Variants in CNTLN observed in about 807,000 individuals in gnomAD.
CNTLN encodes the protein centlein, centrosomal protein.
Under a neutral mutation model 180.0 loss-of-function variants are expected in CNTLN, and 212 were observed. The ratio of observed to expected loss-of-function variants is 1.18; its 90% CI spans 1.05 to 1.32. The LOEUF is 1.32. CNTLN is among the 40% of genes most tolerant of loss of function. The pLI is 0.00. For synonymous variants in CNTLN, 722 were observed against 563.1 expected (o/e 1.28, Z -3.99); for missense variants, 2,095 against 1,610.9 (o/e 1.30, Z -5.14).
At chr9:17,136,462 T>C (rs1355866745) in intron 1 of CNTLN, among the ~76,000 whole-genome samples, 2 of 152,206 alleles carry the variant, frequency 1.3e-5, no homozygotes, top group Non-Finnish European at 1.5e-5. Flanking sequence ...CCCGAATAGC[T>C]GGGACTACAG....
intron 3 of CNTLN, among the ~76,000 whole-genome samples, chr9:17,233,077 G>A (rs1438078467): frequency 6.6e-6 from 1 of 151,984 alleles, no homozygotes. Context: ...TTGGTATGGA[G>A]GTAGAATAAT....
intron 1 of CNTLN, among the ~76,000 whole-genome samples, chr9:17,136,721 G>A (rs1320646693): frequency 6.6e-6 from 1 of 152,150 alleles, no homozygotes; most frequent in Non-Finnish European, 1.5e-5. Context: ...TGTGCCTTTG[G>A]TTAAACAAGG....
rs1442527 is a variant in CNTLN at position 17,342,385 on chromosome 9, C to T, written c.1827C>T (p.Asp609=). ...AACAACTTCGACAAGAAGATTCTGA[C>T]GCTGTGTGGAATGAACTGGCATATT... The part of the protein sequence containing the change: ...DPQQLRQEDS[D]AVWNELAYFK... Residue 609 remains aspartate (D), a synonymous_variant, in exon 12 of 26, where the codon GAC becomes GAT. Coordinates refer to ENST00000380647, the MANE Select transcript of CNTLN (RefSeq NM_017738.4). The T allele has an allele frequency of 0.99, 1,598,610 of 1,612,084 alleles. 793,498 individuals carry two copies. The highest frequency in any genetic ancestry group is 1 in the East Asian group (44,756 of 44,756).
downstream of CNTLN, among the ~76,000 whole-genome samples, chr9:17,507,767 C>T (rs1833958158): frequency 1.3e-5 from 2 of 152,088 alleles, no homozygotes; most frequent in African/African-American, 2.4e-5. Context: ...TTTTTCTGCT[C>T]ACCAAGGAAT....
chr9:17,356,490 A>G (rs1448677158), intron 12 of CNTLN, among the ~76,000 whole-genome samples: 2 of 152,172 alleles, frequency 1.3e-5, no homozygotes, highest in Non-Finnish European at 2.9e-5. Context: ...TGACTTATAG[A>G]TAGGCTTTGA....
intron 12 of CNTLN, among the ~76,000 whole-genome samples, chr9:17,352,416 A>ATATATATATATATATATATATTT (rs1469636947): frequency 3.2e-5 from 1 of 31,294 alleles, no homozygotes; most frequent in African/African-American, 1.2e-4. Context: ...ATATATATAT[A>ATATATATATATATATATATATTT]TTTTTTTTTT....
chr9:17,519,286 C>T, the CNTLN span, among the ~76,000 whole-genome samples: 2 of 150,942 alleles, frequency 1.3e-5, no homozygotes, highest in Admixed American at 6.6e-5. Flanking sequence ...ATCCCTTCCT[C>T]ACAAACACAG....
chr9:17,296,796 C>T (rs1275237870), intron 6 of CNTLN, among the ~76,000 whole-genome samples: 1 of 152,018 alleles, frequency 6.6e-6, no homozygotes, highest in Non-Finnish European at 1.5e-5. Context: ...TTGTGTATAT[C>T]CATGTATCTG....
chr9:17,517,180 G>A, the CNTLN span, among the ~76,000 whole-genome samples: 1 of 152,136 alleles, frequency 6.6e-6, no homozygotes, highest in East Asian at 1.9e-4. Context: ...TCACAGGTCA[G>A]GAGATGGAGA....
At chr9:17,170,786 A>G (rs543935965) in intron 2 of CNTLN, among the ~76,000 whole-genome samples, 16 of 152,066 alleles carry the variant, frequency 1.1e-4, no homozygotes, top group African/African-American at 3.6e-4. Flanking sequence ...TTTCCTCATT[A>G]CAATGTTTTG....
At chr9:17,278,838 T>C (rs962242563) in intron 6 of CNTLN, among the ~76,000 whole-genome samples, 3 of 152,164 alleles carry the variant, frequency 2.0e-5, no homozygotes, top group South Asian at 2.1e-4. Context: ...TTGTTCTACA[T>C]TTTTCTCAGT....
chr9:17,440,369 C>G (rs1461608430), intron 18 of CNTLN, among the ~76,000 whole-genome samples: 1 of 146,562 alleles, frequency 6.8e-6, no homozygotes, highest in African/African-American at 2.5e-5. Context: ...GTCAGGAGAT[C>G]GAGACCATCC....
intron 6 of CNTLN, among the ~76,000 whole-genome samples, chr9:17,297,146 C>T (rs1056075157): frequency 6.6e-6 from 1 of 152,104 alleles, no homozygotes; most frequent in Non-Finnish European, 1.5e-5. Flanking sequence ...TGAACGTGTA[C>T]AGACTTTTTT....
At chr9:17,144,587 G>T (rs896189227) in intron 2 of CNTLN, among the ~76,000 whole-genome samples, 42 of 151,422 alleles carry the variant, frequency 2.8e-4, no homozygotes, top group Non-Finnish European at 5.6e-4. Context: ...ATTATTGTTA[G>T]GTCATTTTCC....
At chr9:17,194,450 T>C (rs1821992034) in intron 2 of CNTLN, among the ~76,000 whole-genome samples, 2 of 152,198 alleles carry the variant, frequency 1.3e-5, no homozygotes, top group African/African-American at 2.4e-5. Context: ...TCTACAAATC[T>C]CTAGGGCAGA....
chr9:17,422,594 G>T (rs1176011527), intron 18 of CNTLN, among the ~76,000 whole-genome samples: 1 of 152,120 alleles, frequency 6.6e-6, no homozygotes. Flanking sequence ...AAATATCTCT[G>T]ATAGGATTCT....
chr9:17,194,567 A>G (rs115609331), intron 2 of CNTLN, among the ~76,000 whole-genome samples: 499 of 152,292 alleles, frequency 3.3e-3, no homozygotes, highest in African/African-American at 0.011. Context: ...CCTAGACTTT[A>G]TTATCCATAT....
chr9:17,186,808 C>T (rs1821460768), intron 2 of CNTLN, among the ~76,000 whole-genome samples: 1 of 152,062 alleles, frequency 6.6e-6, no homozygotes, highest in South Asian at 2.1e-4. Flanking sequence ...GTTTCTTTTT[C>T]ATATTTAATA....
chr9:17,439,114 A>C (rs954773448), intron 18 of CNTLN, among the ~76,000 whole-genome samples: 1 of 152,154 alleles, frequency 6.6e-6, no homozygotes, highest in South Asian at 2.1e-4. Context: ...TATTTTGAGG[A>C]GATTTGCTGG....
Sources: gnomAD v4.1 joint callset for allele counts (sites outside exome capture counted in the v4.1 genomes callset) on GRCh38, gnomAD v4.1.1 for gene constraint, MANE v1.5 for transcripts, NCBI Gene and HGNC (gene_info 2026-07-23, HGNC 2026-07-21) for gene names.